Variants in AADAT observed in about 807,000 individuals in gnomAD.
The protein encoded by AADAT is kynurenine/alpha-aminoadipate aminotransferase, mitochondrial.
In AADAT, 25 loss-of-function variants were observed where a neutral mutation model predicts 56.2. The observed-to-expected ratio is 0.44, with a 90% confidence interval of 0.32 to 0.62. The LOEUF (loss-of-function observed/expected upper bound fraction) is 0.62, where lower values mean the gene tolerates loss of function less well. AADAT is among the 20% of genes least tolerant of loss of function. The pLI, the probability that AADAT is intolerant of heterozygous loss-of-function variation, is 0.04. For missense variants in AADAT, 387 were observed against 510.5 expected (o/e 0.76, Z 2.33); for synonymous variants, 173 against 164.7 (o/e 1.05, Z -0.39).
At chr4:170,065,650 G>A (rs1581569127) in intron 10 of AADAT, among the ~76,000 whole-genome samples, 1 of 151,896 alleles carries the variant, frequency 6.6e-6, no homozygotes, top group African/African-American at 2.4e-5. Flanking sequence ...ACAGGTGCCC[G>A]CCATCACGCC....
intron 6 of AADAT, among the ~76,000 whole-genome samples, chr4:170,069,998 G>A (rs1731679119): frequency 6.6e-6 from 1 of 152,130 alleles, no homozygotes; most frequent in African/African-American, 2.4e-5. Flanking sequence ...ACATGATAGT[G>A]TGAGAATCAA....
Position 170,089,372 on chromosome 4 carries a change from A to G in AADAT, c.67+252T>C, listed in dbSNP as rs751982992. On this transcript the variant is annotated intron_variant, in intron 1 of 12. Transcript: ENST00000337664. ...CCTCCCTTCCAAGGCCGTGCCCCAC[A>G]GCAGTCTGCGCCTCTCTCTACTGTT... is the stretch of plus-strand genomic sequence containing the variant. The G allele has an allele frequency of 5.4e-5, 32 of 590,744 alleles. 1 individual carries two copies. The highest frequency in any genetic ancestry group is 2.6e-4 in the Middle Eastern group (1 of 3,802). 36.6% of individuals were successfully genotyped at this position (590,744 alleles called of 1,614,324 possible).
Position 170,089,775 on chromosome 4 carries a change from A to C in AADAT, c.-85T>G. The C allele has an allele frequency of 7.2e-7, 1 of 1,396,110 alleles. No individual in the cohort carries two copies. The highest frequency in any genetic ancestry group is 1.0e-6 in the Non-Finnish European group (1 of 995,646). 86.5% of individuals were successfully genotyped at this position (1,396,110 alleles called of 1,614,324 possible). A position where few individuals can be genotyped will look rare whatever the true frequency, so the allele number is the denominator to read the frequency against. On this transcript the variant is annotated 5_prime_UTR_variant, in exon 1 of 13. Coordinates refer to ENST00000337664, the MANE Select transcript of AADAT (RefSeq NM_016228.4). Reference sequence around the variant, plus strand: ...AGAGCCTCGTCAAGTCCTGCCTGCTAACTCCTCACTCTGGCAACGCCACCG... The same window carrying C: ...AGAGCCTCGTCAAGTCCTGCCTGCTCACTCCTCACTCTGGCAACGCCACCG...
chr4:170,078,611 T>C, intron 3 of AADAT, 28 bp from the exon 4 acceptor site: 1 of 1,525,514 alleles, frequency 6.6e-7, no homozygotes, highest in Non-Finnish European at 9.0e-7. Flanking sequence ...GGTTAGCTTG[T>C]TAGTCAGCAT....
At chr4:170,080,394 T>C (rs1041519859) in intron 3 of AADAT, among the ~76,000 whole-genome samples, 6 of 151,982 alleles carry the variant, frequency 3.9e-5, no homozygotes, top group Non-Finnish European at 4.4e-5. Context: ...GGCCAAGAGT[T>C]TTCCCCACCA....
At position 170,062,012 on chromosome 4, in the gene AADAT, G is replaced by A. The variant is rs751983389; in HGVS notation, c.1135-19C>T. 1 of 1,543,270 alleles carries A rather than the reference G, an allele frequency of 6.5e-7. No homozygotes were observed. The highest frequency in any genetic ancestry group is 2.3e-5 in the East Asian group (1 of 44,312). ...TTAATACCTAAGAGAGTTTGTGGAAGATAAGTAATGTACCACTAAAGAAAA... is the reference window on the plus strand; with the variant it reads ...TTAATACCTAAGAGAGTTTGTGGAAAATAAGTAATGTACCACTAAAGAAAA... On this transcript the variant is annotated intron_variant, in intron 11 of 12. Coordinates refer to ENST00000337664, the MANE Select transcript of AADAT (RefSeq NM_016228.4).
intron 4 of AADAT, among the ~76,000 whole-genome samples, chr4:170,075,183 T>C (rs1172127262): frequency 1.3e-5 from 2 of 152,242 alleles, no homozygotes; most frequent in Non-Finnish European, 2.9e-5. Context: ...ATGCACGCTT[T>C]ATATGTAGAC....
At chr4:170,069,553 A>AG in intron 6 of AADAT, among the ~76,000 whole-genome samples, 2 of 152,316 alleles carry the variant, frequency 1.3e-5, no homozygotes, top group Middle Eastern at 3.4e-3. Context: ...TAACAGACTT[A>AG]CAGGAGGGAC....
At chr4:170,065,102 AG>A (rs1731385332) in intron 10 of AADAT, among the ~76,000 whole-genome samples, 2 of 152,182 alleles carry the variant, frequency 1.3e-5, no homozygotes, top group Non-Finnish European at 2.9e-5. Context: ...AGTCAGTCTT[AG>A]GGTAGTGCAA....
At chr4:170,076,915 T>C (rs939205647) in intron 4 of AADAT, among the ~76,000 whole-genome samples, 3 of 152,158 alleles carry the variant, frequency 2.0e-5, no homozygotes, top group Non-Finnish European at 2.9e-5. Flanking sequence ...CCAAGTTCTT[T>C]TATATGCATG....
At chr4:170,064,620 G>A (rs544994826) in intron 11 of AADAT, 99 bp downstream of exon 11, 1 of 876,532 alleles carries the variant, frequency 1.1e-6, no homozygotes, top group South Asian at 1.7e-5. Flanking sequence ...TGGCTGGTGG[G>A]CAACAAGAAA....
At chr4:170,083,362 T>A (rs1055536894) in intron 3 of AADAT, among the ~76,000 whole-genome samples, 2 of 152,020 alleles carry the variant, frequency 1.3e-5, no homozygotes, top group African/African-American at 4.8e-5. Flanking sequence ...ATACTAAAAT[T>A]TGTGGAAGAC....
chr4:170,093,249 C>A (rs1271004523), upstream of AADAT, among the ~76,000 whole-genome samples: 1 of 152,054 alleles, frequency 6.6e-6, no homozygotes, highest in Non-Finnish European at 1.5e-5. Context: ...ACCATCATGG[C>A]AAAACCCCAT....
intron 3 of AADAT, 38 bp from the exon 4 acceptor site, chr4:170,078,621 T>C (rs1185137943): frequency 6.8e-7 from 1 of 1,468,632 alleles, no homozygotes; most frequent in East Asian, 2.3e-5. Flanking sequence ...TTAGTCAGCA[T>C]AGGTTAGTAC....
At position 170,062,002 on chromosome 4, in the gene AADAT, GTT is replaced by G; in HGVS notation, c.1135-11_1135-10del. 1 of 1,590,962 alleles carries G rather than the reference GTT, an allele frequency of 6.3e-7. No individual in the cohort carries two copies. The highest frequency in any genetic ancestry group is 1.7e-5 in the Admixed American group (1 of 59,492). On this transcript the variant is annotated splice_polypyrimidine_tract_variant and intron_variant, in intron 11 of 12. Transcript: ENST00000337664. ...CCAGGGAGCATTAATACCTAAGAGA[GTT>G]TGTGGAAGATAAGTAATGTACCACT... is the stretch of plus-strand genomic sequence containing the variant.
At chr4:170,076,868 T>C (rs761639188) in intron 4 of AADAT, among the ~76,000 whole-genome samples, 5 of 152,134 alleles carry the variant, frequency 3.3e-5, no homozygotes, top group Non-Finnish European at 5.9e-5. Context: ...CTTTGATCCA[T>C]TTTGAGTTAA....
intron 3 of AADAT, among the ~76,000 whole-genome samples, chr4:170,081,909 C>G (rs1016280476): frequency 2.6e-5 from 4 of 152,210 alleles, no homozygotes; most frequent in African/African-American, 9.6e-5. Context: ...ATATTGTATC[C>G]AGCAAAATTA....
chr4:170,079,760 C>T (rs1038365311), intron 3 of AADAT, among the ~76,000 whole-genome samples: 3 of 152,110 alleles, frequency 2.0e-5, no homozygotes, highest in African/African-American at 7.2e-5. Flanking sequence ...AAAAAGCCAT[C>T]CATATCTGAG....
intron 2 of AADAT, among the ~76,000 whole-genome samples, chr4:170,087,629 G>T (rs1216639919): frequency 6.6e-6 from 1 of 152,060 alleles, no homozygotes; most frequent in African/African-American, 2.4e-5. Context: ...TTGTATCATG[G>T]AATGTTTGAA....
Sources: gnomAD v4.1 joint callset for allele counts (sites outside exome capture counted in the v4.1 genomes callset) on GRCh38, gnomAD v4.1.1 for gene constraint, MANE v1.5 for transcripts, NCBI Gene and HGNC (gene_info 2026-07-23, HGNC 2026-07-21) for gene names.